The following LARP1B variants were observed in gnomAD, a reference collection of about 807,000 sequenced individuals.
The protein encoded by LARP1B is la-related protein 1B.
A neutral mutation model predicts 114.2 loss-of-function variants in LARP1B; 76 were observed. The observed-to-expected ratio is 0.67, with a 90% confidence interval of 0.55 to 0.81. The LOEUF is 0.81. LARP1B is among the 30% of genes least tolerant of loss of function. The probability of loss-of-function intolerance (pLI) is 0.00; values close to 1 mark genes in which losing one functional copy is unlikely to be tolerated. For missense variants in LARP1B, 1,014 were observed against 1,075.8 expected, an observed-to-expected ratio of 0.94 and a Z score of 0.80; for synonymous variants, 345 against 348.0, an observed-to-expected ratio of 0.99 and a Z score of 0.10.
intron 5 of LARP1B, among the ~76,000 whole-genome samples, chr4:128,084,247 C>T (rs1273452422): frequency 1.3e-5 from 2 of 152,114 alleles, no homozygotes; most frequent in East Asian, 1.9e-4. Flanking sequence ...GCTGCAATCT[C>T]GGCACTTTGG....
rs751880551 is a variant in LARP1B, at chr4:128,107,099, A to AAATAGCTCATAATTTT, written c.814-30_814-15dup. ...TCTTAGAAGTATAGCACAGACAGTG[A>AAATAGCTCATAATTTT]AATAGCTCATAATTTTAATAGCTCA... On this transcript the variant is annotated intron_variant, in intron 8 of 19. Coordinates refer to ENST00000326639, the MANE Select transcript of LARP1B (RefSeq NM_018078.4). 3.9e-6 allele frequency: 6 copies of AAATAGCTCATAATTTT among 1,544,798 alleles called. No individual in the cohort carries two copies. In the South Asian group the frequency reaches 5.6e-5, roughly 15 times the overall value.
intron 16 of LARP1B, 95 bp downstream of exon 16, chr4:128,199,694 T>C (rs547058577): frequency 1.8e-6 from 1 of 557,176 alleles, no homozygotes; most frequent in East Asian, 3.7e-5. Flanking sequence ...GGTTAAGATA[T>C]TCTTTTATTG....
At chr4:128,191,176 G>C (rs1752154551) in intron 15 of LARP1B, among the ~76,000 whole-genome samples, 1 of 151,594 alleles carries the variant, frequency 6.6e-6, no homozygotes, top group South Asian at 2.1e-4. Context: ...GCTTCTCTGT[G>C]TTATCTTGGA....
At chr4:128,209,748 A>C in intron 19 of LARP1B, 108 bp from the exon 20 acceptor site, 1 of 812,872 alleles carries the variant, frequency 1.2e-6, no homozygotes, top group Non-Finnish European at 2.0e-6. Context: ...AAAAAATTAT[A>C]CTGAAGTGTC....
chr4:128,118,903 G>C (rs1334406677), intron 10 of LARP1B, among the ~76,000 whole-genome samples: 1 of 148,230 alleles, frequency 6.7e-6, no homozygotes, highest in African/African-American at 2.5e-5. Flanking sequence ...TTGAGACAGA[G>C]TTTCGCTCTT....
rs114386030 is a variant in LARP1B at position 128,150,792 on chromosome 4, C to T, written c.1525-11402C>T. Among the ~76,000 whole-genome samples the T allele has an allele frequency of 1.8e-3, 269 of 152,222 alleles. 2 individuals carry two copies. The highest frequency in any genetic ancestry group is 6.3e-3 in the African/African-American group (260 of 41,524). On this transcript the variant is annotated intron_variant, in intron 11 of 19. Transcript: ENST00000326639. ...ATAAAAATCCCTTACTGCTGACCAC[C>T]TTGGACCTACCATCAGACTGTAATT...
intron 11 of LARP1B, among the ~76,000 whole-genome samples, chr4:128,161,893 G>A (rs377518002): frequency 1.3e-5 from 2 of 152,008 alleles, no homozygotes; most frequent in Admixed American, 6.6e-5. Context: ...ACTTTGTAAC[G>A]TCTGTAATAC....
Position 128,210,458 on chromosome 4 carries a change from C to G in LARP1B, c.*405C>G. 8.0e-6 allele frequency: 8 copies of G among 1,002,606 alleles called. No homozygotes were observed. The highest frequency in any genetic ancestry group is 9.5e-6 in the Non-Finnish European group (8 of 838,472). The allele number at this position is 1,002,606 out of a possible 1,614,324, so 62.1% of individuals were successfully genotyped here. A position where few individuals can be genotyped will look rare whatever the true frequency, so the allele number is the denominator to read the frequency against. ...TAAAGAAGATATAGTATGTTGTATT[C>G]TCTTCTTAGAGCTTTCTTAAAGAAT... On this transcript the variant is annotated 3_prime_UTR_variant, in exon 20 of 20. Coordinates refer to ENST00000326639, the MANE Select transcript of LARP1B (RefSeq NM_018078.4).
intron 12 of LARP1B, among the ~76,000 whole-genome samples, chr4:128,165,304 ATAATGTCTAGTT>A (rs1740302916): frequency 6.6e-6 from 1 of 151,620 alleles, no homozygotes; most frequent in African/African-American, 2.4e-5. Flanking sequence ...TTTGTGTGCT[ATAATGTCTAGTT>A]TTTAAATATA....
intron 15 of LARP1B, among the ~76,000 whole-genome samples, chr4:128,188,549 T>G (rs1228834952): frequency 1.3e-5 from 2 of 152,202 alleles, no homozygotes; most frequent in Non-Finnish European, 2.9e-5. Context: ...CTACTAATTT[T>G]GGGTTTGATT....
chr4:128,199,845 G>A (rs1450710424), intron 16 of LARP1B, among the ~76,000 whole-genome samples: 1 of 152,152 alleles, frequency 6.6e-6, no homozygotes, highest in African/African-American at 2.4e-5. Flanking sequence ...CAGCACTTTG[G>A]GAGGCCGAGG....
chr4:128,202,903 T>TA (rs1193533333), intron 17 of LARP1B, among the ~76,000 whole-genome samples: 1 of 152,108 alleles, frequency 6.6e-6, no homozygotes, highest in Non-Finnish European at 1.5e-5. Context: ...AGGTTCTTTA[T>TA]AAAAAGTAGG....
At chr4:128,075,236 G>A (rs578159333) in intron 3 of LARP1B, among the ~76,000 whole-genome samples, 196 of 151,878 alleles carry the variant, frequency 1.3e-3, no homozygotes, top group African/African-American at 4.6e-3. Flanking sequence ...AGAGTAGCTG[G>A]GACTACAGGC....
At chr4:128,078,444 CA>C (rs970096379) in intron 4 of LARP1B, among the ~76,000 whole-genome samples, 2 of 151,698 alleles carry the variant, frequency 1.3e-5, no homozygotes, top group Admixed American at 6.6e-5. Context: ...TAAAAATACA[CA>C]AAAAAATTAG....
intron 1 of LARP1B, among the ~76,000 whole-genome samples, chr4:128,065,329 CTCTTTCCTTTCT>C (rs1263419693): frequency 5.6e-5 from 6 of 106,376 alleles, no homozygotes; most frequent in African/African-American, 2.1e-4. Flanking sequence ...CTCTCTCTCT[CTCTTTCCTTTCT>C]TTTCTTTTCT....
intron 15 of LARP1B, among the ~76,000 whole-genome samples, chr4:128,197,880 C>CTTTTTTTTTT (rs35888649): frequency 4.6e-5 from 4 of 87,010 alleles, no homozygotes; most frequent in Non-Finnish European, 6.6e-5. Context: ...ACGATTGTAG[C>CTTTTTTTTTT]TTTTTTTTTT....
At chr4:128,177,005 A>G in intron 13 of LARP1B, 98 bp downstream of exon 13, 1 of 1,005,708 alleles carries the variant, frequency 9.9e-7, no homozygotes, top group Admixed American at 1.8e-5. Flanking sequence ...AAGAAAAAGC[A>G]TATGAAAAGA....
intron 11 of LARP1B, among the ~76,000 whole-genome samples, chr4:128,153,602 C>T (rs1324584968): frequency 6.6e-6 from 1 of 152,192 alleles, no homozygotes; most frequent in Non-Finnish European, 1.5e-5. Context: ...CAGTGCCTGG[C>T]CAGTTTGCCT....
At chr4:128,219,879 C>CATTTT (rs568134034) in intron 6 of LARP1B, among the ~76,000 whole-genome samples, 2 of 151,744 alleles carry the variant, frequency 1.3e-5, no homozygotes, top group Non-Finnish European at 2.9e-5. Flanking sequence ...CTTTGAAATA[C>CATTTT]ATTTTATTTT....
Sources: gnomAD v4.1 joint callset for allele counts (sites outside exome capture counted in the v4.1 genomes callset) on GRCh38, gnomAD v4.1.1 for gene constraint, MANE v1.5 for transcripts, NCBI Gene and HGNC (gene_info 2026-07-23, HGNC 2026-07-21) for gene names.